RNF13: variants seen among roughly 807,000 people sequenced by gnomAD.
The protein encoded by RNF13 is ring finger protein 13.
RNF13 carries 19 observed loss-of-function variants against 37.7 expected under a neutral mutation model. The observed-to-expected ratio is 0.50, with a 90% CI of 0.35 to 0.74. RNF13 has a LOEUF of 0.74. RNF13 is among the 30% of genes least tolerant of loss of function. The probability of loss-of-function intolerance (pLI) is 0.01; values close to 1 mark genes in which losing one functional copy is unlikely to be tolerated. For missense variants in RNF13, 375 were observed against 453.0 expected (o/e 0.83, Z 1.56); for synonymous variants, 144 against 157.8 (o/e 0.91, Z 0.65).
chr3:149,824,533 A>G (rs542072382), intron 1 of RNF13, among the ~76,000 whole-genome samples: 1 of 152,392 alleles, frequency 6.6e-6, no homozygotes, highest in East Asian at 1.9e-4. Context: ...GCTGATAAGT[A>G]TAACAATCAA....
At chr3:149,932,937 C>T (rs1040249180) in intron 8 of RNF13, among the ~76,000 whole-genome samples, 1 of 152,252 alleles carries the variant, frequency 6.6e-6, no homozygotes, top group Non-Finnish European at 1.5e-5. Context: ...GGGCTATGTC[C>T]TGGGACAGAC....
intron 1 of RNF13, among the ~76,000 whole-genome samples, chr3:149,843,855 C>A (rs1722396612): frequency 6.6e-6 from 1 of 152,228 alleles, no homozygotes; most frequent in Non-Finnish European, 1.5e-5. Flanking sequence ...ATGATACCTA[C>A]CTTACAGGGA....
intron 1 of RNF13, among the ~76,000 whole-genome samples, chr3:149,827,376 C>T (rs1720606674): frequency 1.3e-5 from 2 of 152,246 alleles, no homozygotes; most frequent in Admixed American, 6.5e-5. Flanking sequence ...ACCAGTCTCT[C>T]ACAGACACCG....
chr3:149,824,617 G>GT lies in RNF13; in HGVS notation c.-17+11273dup, dbSNP rs201352608. ...TATCCTAGACTAGAAAAAATATATG[G>GT]TTTTTTTTTGTGAAAGGAAATGACC... On this transcript the variant is annotated intron_variant, in intron 1 of 9. Transcript: ENST00000392894. Among the ~76,000 whole-genome samples the GT allele has an allele frequency of 7.5e-3, 1,120 of 148,532 alleles. 14 individuals carry two copies. Among genetic ancestry groups the GT allele is most frequent in the African/African-American group, 0.021 (870 of 40,522 alleles).
chr3:149,951,692 A>T (rs1379636901), intron 8 of RNF13, among the ~76,000 whole-genome samples: 1 of 152,216 alleles, frequency 6.6e-6, no homozygotes, highest in African/African-American at 2.4e-5. Flanking sequence ...ATAATTTCAC[A>T]TTTTAGGTCT....
chr3:149,946,554 G>T (rs1238314435), intron 8 of RNF13, among the ~76,000 whole-genome samples: 1 of 152,138 alleles, frequency 6.6e-6, no homozygotes, highest in Non-Finnish European at 1.5e-5. Context: ...CTGGTAGGCT[G>T]TATGTTTCTA....
Position 149,934,742 on chromosome 3 carries a change from A to G in RNF13, c.700+13515A>G, listed in dbSNP as rs144722086. On this transcript the variant is annotated intron_variant, in intron 8 of 9. Transcript: ENST00000392894. ...ACAATCTCAGCTCAGTGCAGTATCC[A>G]CCTCCCAAGTAGCTGAGAGTACAGG... 5.3e-3 allele frequency among the ~76,000 whole-genome samples: 802 copies of G among 150,418 alleles called. 6 individuals carry two copies. Among genetic ancestry groups the G allele is most frequent in the Non-Finnish European group, 3.9e-3 (263 of 67,702 alleles).
intron 8 of RNF13, among the ~76,000 whole-genome samples, chr3:149,935,728 C>T (rs933599802): frequency 6.6e-6 from 1 of 152,132 alleles, no homozygotes. Flanking sequence ...TTTTATATTG[C>T]CTGACTTTTA....
intron 2 of RNF13, among the ~76,000 whole-genome samples, chr3:149,847,356 T>A (rs1722744800): frequency 6.6e-6 from 1 of 152,198 alleles, no homozygotes; most frequent in Admixed American, 6.5e-5. Context: ...TGCAACTGAT[T>A]TGCTTAATGA....
At chr3:149,864,789 GA>G (rs749722914) in intron 3 of RNF13, among the ~76,000 whole-genome samples, 13 of 152,082 alleles carry the variant, frequency 8.5e-5, no homozygotes, top group Non-Finnish European at 1.8e-4. Flanking sequence ...ATGTCAACTG[GA>G]TCTTTTATGA....
At chr3:149,839,410 A>G (rs1377162699) in intron 1 of RNF13, among the ~76,000 whole-genome samples, 2 of 121,574 alleles carry the variant, frequency 1.6e-5, no homozygotes, top group Non-Finnish European at 3.4e-5. Flanking sequence ...TACTGCTATG[A>G]TGAAATACTC....
At chr3:149,907,372 T>A (rs1185897788) in intron 6 of RNF13, among the ~76,000 whole-genome samples, 1 of 152,240 alleles carries the variant, frequency 6.6e-6, no homozygotes, top group Non-Finnish European at 1.5e-5. Context: ...TCTGGTTTTT[T>A]ATCATATTAA....
intron 8 of RNF13, among the ~76,000 whole-genome samples, chr3:149,936,967 C>A (rs1388123230): frequency 6.6e-6 from 1 of 152,228 alleles, no homozygotes; most frequent in South Asian, 2.1e-4. Flanking sequence ...GCGCACTGAC[C>A]ATCTTGGGTT....
chr3:149,871,550 CCAGTTTTTGCTATT>C (rs917649354), intron 3 of RNF13, among the ~76,000 whole-genome samples: 5 of 151,566 alleles, frequency 3.3e-5, no homozygotes, highest in African/African-American at 1.2e-4. Flanking sequence ...TGCATGATTT[CCAGTTTTTGCTATT>C]AAAAATAATG....
At chr3:149,930,082 T>C (rs1719018412) in intron 8 of RNF13, among the ~76,000 whole-genome samples, 1 of 152,156 alleles carries the variant, frequency 6.6e-6, no homozygotes, top group Non-Finnish European at 1.5e-5. Flanking sequence ...TGTGCCACCA[T>C]GCCTGTCTAA....
intron 1 of RNF13, among the ~76,000 whole-genome samples, chr3:149,845,201 A>G (rs1325469892): frequency 1.3e-5 from 2 of 152,198 alleles, no homozygotes; most frequent in Non-Finnish European, 2.9e-5. Context: ...AATCATCATC[A>G]AAACGGATAT....
chr3:149,838,606 C>A (rs1167689455), intron 1 of RNF13, among the ~76,000 whole-genome samples: 3 of 152,210 alleles, frequency 2.0e-5, no homozygotes, highest in South Asian at 2.1e-4. Context: ...TTAGCCACGG[C>A]TGGGATGCAG....
intron 8 of RNF13, among the ~76,000 whole-genome samples, chr3:149,947,607 T>G (rs1720892132): frequency 6.6e-6 from 1 of 152,048 alleles, no homozygotes; most frequent in Non-Finnish European, 1.5e-5. Flanking sequence ...GGTTTCACTA[T>G]ATTGGCCAGA....
At chr3:149,951,485 A>T (rs767361873) in intron 8 of RNF13, among the ~76,000 whole-genome samples, 3 of 152,218 alleles carry the variant, frequency 2.0e-5, no homozygotes, top group Non-Finnish European at 4.4e-5. Flanking sequence ...TGACTGAAGG[A>T]AACTGAGAGA....
Sources: gnomAD v4.1 joint callset for allele counts (sites outside exome capture counted in the v4.1 genomes callset) on GRCh38, gnomAD v4.1.1 for gene constraint, MANE v1.5 for transcripts, NCBI Gene and HGNC (gene_info 2026-07-23, HGNC 2026-07-21) for gene names.